The following CIT variants were observed in gnomAD, a reference collection of about 807,000 sequenced individuals.
CIT encodes the protein citron rho-interacting serine/threonine kinase, also known as citron Rho-interacting kinase.
CIT carries 79 observed loss-of-function variants against 272.7 expected under a neutral mutation model. That is an observed-to-expected ratio of 0.29 (90% CI 0.24 to 0.35). The LOEUF is 0.35. Among genes scored for constraint, CIT ranks in the 10% least tolerant of loss-of-function variants. The pLI is 1.00. For missense variants in CIT, 1,909 were observed against 2,618.3 expected, an observed-to-expected ratio of 0.73 and a Z score of 5.91; for synonymous variants, 948 against 995.6, an observed-to-expected ratio of 0.95 and a Z score of 0.90.
At chr12:119,732,032 C>T (rs1958487812) in intron 26 of CIT, among the ~76,000 whole-genome samples, 1 of 151,840 alleles carries the variant, frequency 6.6e-6, no homozygotes, top group Non-Finnish European at 1.5e-5. Context: ...GACAGGATTT[C>T]GCCATGTTGG....
rs1962929826 is a variant in CIT, at chr12:119,770,172, T to C, written c.2208+613A>G. ...CAAATACCACCCGAACCTTCCTTGA[T>C]CAAGTTAATTTGGTGATCAGAGCCT... On this transcript the variant is annotated intron_variant, in intron 18 of 47. Transcript: ENST00000392521. This position sits in a 1 kb window ranked among gnomAD's most constrained non-coding sequence, Gnocchi z 4.4. 6.6e-6 allele frequency among the ~76,000 whole-genome samples: 1 copy of C among 152,070 alleles called. No individual in the cohort carries two copies. Among genetic ancestry groups the C allele is most frequent in the African/African-American group, 2.4e-5 (1 of 41,386 alleles).
In CIT at chr12:119,712,184, A is replaced by G. The variant is rs1288124523; in HGVS notation, c.4848T>C (p.Ala1616=). 7 of 1,596,132 alleles carry G rather than the reference A, an allele frequency of 4.4e-6. No homozygotes were observed. The highest frequency in any genetic ancestry group is 6.0e-6 in the Non-Finnish European group (7 of 1,170,182). Residue 1616 remains alanine (A), a synonymous_variant, in exon 37 of 48, where the codon GCT becomes GCC. Transcript: ENST00000392521. The surrounding 1 kb of genome is among the most constrained non-coding windows in gnomAD (Gnocchi z 5.2). Reference sequence around the variant, plus strand: ...GGCCCGCTTTCATACTCACAGCATCAGCTTCTGCTTTTTCCCTAGAAACTC... The same window carrying G: ...GGCCCGCTTTCATACTCACAGCATCGGCTTCTGCTTTTTCCCTAGAAACTC... ...GGRVSREKAE[A]DAKLLGNSLL...
At chr12:119,796,365 A>G (rs577642874) in intron 10 of CIT, among the ~76,000 whole-genome samples, 16 of 152,322 alleles carry the variant, frequency 1.1e-4, no homozygotes, top group African/African-American at 2.9e-4. Flanking sequence ...ATGGGTGCCA[A>G]TGAGGAAGAA....
At chr12:119,815,854 G>A (rs430998) in intron 9 of CIT, among the ~76,000 whole-genome samples, 102,269 of 151,978 alleles carry the variant, frequency 0.67, 34,652 homozygotes, top group East Asian at 0.84. Flanking sequence ...AGAGGGGTTG[G>A]GCGTGGGGTG....
chr12:119,853,418 ATTTG>A (rs1306079811), intron 4 of CIT, among the ~76,000 whole-genome samples: 4 of 149,364 alleles, frequency 2.7e-5, no homozygotes, highest in East Asian at 2.0e-4. Context: ...GTTACAGGGG[ATTTG>A]TTTATTTGTT....
intron 5 of CIT, among the ~76,000 whole-genome samples, chr12:119,849,110 C>T (rs1190708463): frequency 6.6e-6 from 1 of 152,164 alleles, no homozygotes. Flanking sequence ...AACATTTCTT[C>T]CCCTAGGGAG....
chr12:119,728,596 A>C lies in CIT; in HGVS notation c.3497T>G (p.Leu1166Arg). ...TTCAAGCATAGCATGCTTCTTCTCCAGGTCATTGAGCTAGACATTTGGAAA... is the reference window on the plus strand; with the variant it reads ...TTCAAGCATAGCATGCTTCTTCTCCCGGTCATTGAGCTAGACATTTGGAAA... ...AESLSDKLND[L>R]EKKHAMLEMN... is the part of the protein sequence containing the mutation. The change falls in exon 28 of 48, where the codon CTG becomes CGG. Residue 1166 changes from leucine to arginine, a missense_variant. By Grantham distance (102) the Leu-to-Arg change is moderately radical. Transcript: ENST00000392521. This position sits in a 1 kb window ranked among gnomAD's most constrained non-coding sequence, Gnocchi z 4.3. 6.2e-7 allele frequency: 1 copy of C among 1,609,924 alleles called. No individual in the cohort carries two copies. Among genetic ancestry groups the C allele is most frequent in the South Asian group, 1.1e-5 (1 of 90,538 alleles).
intron 6 of CIT, 55 bp downstream of exon 6, chr12:119,834,031 C>G: frequency 6.5e-7 from 1 of 1,532,546 alleles, no homozygotes; most frequent in Non-Finnish European, 8.8e-7. Flanking sequence ...TGCAGGAACT[C>G]TTATGCGACA....
chr12:119,776,644 A>C lies in CIT; in HGVS notation c.1836+28T>G, dbSNP rs752558927. 5 of 1,580,934 alleles carry C rather than the reference A, an allele frequency of 3.2e-6. No homozygotes were observed. In the South Asian group the frequency reaches 4.5e-5, roughly 14 times the overall value. On this transcript the variant is annotated intron_variant, in intron 14 of 47. Transcript: ENST00000392521. ...AGATCATGTACAATTTTACCCAAAA[A>C]GCACCCTCCTGGAGGGTGGCTGACT... is the stretch of plus-strand genomic sequence containing the variant.
rs1366305701 is a variant in CIT, at chr12:119,862,450, A to T, written c.239-4752T>A. 4.6e-5 allele frequency among the ~76,000 whole-genome samples: 7 copies of T among 152,252 alleles called. No homozygotes were observed. In the East Asian group the frequency reaches 1.4e-3, roughly 29 times the overall value. ...TCTCACTATGTATGTGATGTGCTAT[A>T]TTCTAAACGTTTGTGCCCCTCGCCC... On this transcript the variant is annotated intron_variant, in intron 3 of 47. Transcript: ENST00000392521.
Position 119,748,605 on chromosome 12 carries a change from G to A in CIT, c.2904+3445C>T, listed in dbSNP as rs191217910. ...ATGGCTTACTAATTAATTAAACAGAGGGCTTGATATTTATGTACGAGAATG... is the reference window on the plus strand; with the variant it reads ...ATGGCTTACTAATTAATTAAACAGAAGGCTTGATATTTATGTACGAGAATG... On this transcript the variant is annotated intron_variant, in intron 23 of 47. Transcript: ENST00000392521. Among the ~76,000 whole-genome samples, 4 of 152,304 alleles carry A rather than the reference G, an allele frequency of 2.6e-5. No individual in the cohort carries two copies. In the East Asian group the frequency reaches 7.7e-4, roughly 29 times the overall value.
intron 2 of CIT, among the ~76,000 whole-genome samples, chr12:119,870,305 C>T (rs774527191): frequency 1.3e-5 from 2 of 152,116 alleles, no homozygotes; most frequent in Non-Finnish European, 2.9e-5. Context: ...AATCCCAGCA[C>T]TTTGGGAGGC....
chr12:119,701,862 A>G lies in CIT; in HGVS notation c.5401T>C (p.Tyr1801His), dbSNP rs760306959. 1 of 1,614,108 alleles carries G rather than the reference A, an allele frequency of 6.2e-7. No individual in the cohort carries two copies. The highest frequency in any genetic ancestry group is 8.5e-7 in the Non-Finnish European group (1 of 1,179,942). ...NKFYEIDMKQ[Y>H]TLEEFLDKND... is the part of the protein sequence containing the mutation. ...AGGTGGGTCCTACCCTCGAGCGTGT[A>G]CTGCTTCATGTCGATTTCGTAGAAT... Residue 1801 changes from tyrosine to histidine, a missense_variant, in exon 42 of 48, where the codon TAC becomes CAC. By Grantham distance (83) the Tyr-to-His change is moderately conservative (BLOSUM62 2). Coordinates refer to ENST00000392521, the MANE Select transcript of CIT (RefSeq NM_001206999.2).
rs145208089 is a variant in CIT at position 119,790,452 on chromosome 12, T to C, written c.1296-5387A>G. Among the ~76,000 whole-genome samples the C allele has an allele frequency of 3.3e-3, 502 of 152,330 alleles. 3 individuals are homozygous for C. Among genetic ancestry groups the C allele is most frequent in the African/African-American group, 0.012 (481 of 41,576 alleles). Reference sequence around the variant, plus strand: ...AAACTATCTAATTATGAAATTCTGTTGACCATGGAATGGGACAGAGTCTAT... The same window carrying C: ...AAACTATCTAATTATGAAATTCTGTCGACCATGGAATGGGACAGAGTCTAT... On this transcript the variant is annotated intron_variant, in intron 10 of 47. Transcript: ENST00000392521.
At chr12:119,875,295 CCT>C (rs1950809675) in intron 2 of CIT, among the ~76,000 whole-genome samples, 1 of 152,100 alleles carries the variant, frequency 6.6e-6, no homozygotes, top group African/African-American at 2.4e-5. Context: ...AGAGCAAGAC[CCT>C]GTCTTGCAAG....
At chr12:119,857,816 A>T (rs1195560522) in intron 3 of CIT, 118 bp from the exon 4 acceptor site, 2 of 888,906 alleles carry the variant, frequency 2.2e-6, no homozygotes, top group Non-Finnish European at 3.4e-6. Context: ...TGTCAAAGAC[A>T]TTCACTTTCT....
At chr12:119,811,625 CA>C (rs1339116954) in intron 9 of CIT, among the ~76,000 whole-genome samples, 5 of 152,328 alleles carry the variant, frequency 3.3e-5, no homozygotes, top group Non-Finnish European at 7.3e-5. Flanking sequence ...TCGCCATACC[CA>C]AAAGCCATGT....
At chr12:119,725,787 T>G (rs1958062047) in intron 28 of CIT, among the ~76,000 whole-genome samples, 1 of 152,238 alleles carries the variant, frequency 6.6e-6, no homozygotes. Flanking sequence ...AGTACTGGGC[T>G]GTCAGGGCCA....
At chr12:119,806,003 G>C (rs1227750514) in intron 9 of CIT, among the ~76,000 whole-genome samples, 3 of 151,998 alleles carry the variant, frequency 2.0e-5, no homozygotes, top group Non-Finnish European at 4.4e-5. Flanking sequence ...CAGATGTGAT[G>C]GTGCATGCCT....
Sources: gnomAD v4.1 joint callset for allele counts (sites outside exome capture counted in the v4.1 genomes callset) on GRCh38, gnomAD v4.1.1 for gene constraint, Gnocchi (gnomAD v3.1) non-coding constraint, MANE v1.5 for transcripts, NCBI Gene and HGNC (gene_info 2026-07-23, HGNC 2026-07-21) for gene names.